Variants in PWWP2A observed in about 807,000 individuals in gnomAD.
PWWP2A encodes PWWP domain containing 2A.
In PWWP2A, 18 loss-of-function variants were observed where a neutral mutation model predicts 48.5. The ratio of observed to expected loss-of-function variants is 0.37; its 90% confidence interval spans 0.26 to 0.55. The LOEUF (loss-of-function observed/expected upper bound fraction) is 0.55, where lower values mean the gene tolerates loss of function less well. PWWP2A is among the 20% of genes least tolerant of loss of function. The pLI is 0.81. For synonymous variants in PWWP2A, 396 were observed against 387.7 expected, an observed-to-expected ratio of 1.02 and a Z score of -0.25; for missense variants, 867 against 976.4, an observed-to-expected ratio of 0.89 and a Z score of 1.49.
chr5:160,084,131 T>C (rs1363699848), intron 2 of PWWP2A, among the ~76,000 whole-genome samples: 1 of 152,248 alleles, frequency 6.6e-6, no homozygotes, highest in East Asian at 1.9e-4. Flanking sequence ...GCAGTGGTAG[T>C]AATGATGGCA....
chr5:160,051,657 A>G, the PWWP2A span, among the ~76,000 whole-genome samples: 1 of 152,308 alleles, frequency 6.6e-6, no homozygotes, highest in South Asian at 2.1e-4. Flanking sequence ...TTAGGAGTAA[A>G]GAGAAATCAG....
Position 160,093,612 on chromosome 5 carries a change from A to G in PWWP2A, c.1038T>C (p.Ser346=), listed in dbSNP as rs773239115. ...TTCTCCGTTTTTTATCTTCATATTT[A>G]GAAGAGTCAGTTGCACTACTACCTT... ...IRKGSSATDS[S]KYEDKKRRNE... Residue 346 remains serine (S), a synonymous_variant, in exon 2 of 2, where the codon TCT becomes TCC. Coordinates refer to ENST00000307063, the MANE Select transcript of PWWP2A (RefSeq NM_001130864.2). The surrounding 1 kb of genome is among the most constrained non-coding windows in gnomAD (Gnocchi z 5.8). 24 of 1,613,750 alleles carry G rather than the reference A, an allele frequency of 1.5e-5. No homozygotes were observed. Among genetic ancestry groups the G allele is most frequent in the Non-Finnish European group, 1.9e-5 (22 of 1,179,862 alleles).
At chr5:160,071,090 G>A (rs1348669813), downstream of PWWP2A, among the ~76,000 whole-genome samples, 4 of 152,216 alleles carry the variant, frequency 2.6e-5, no homozygotes, top group African/African-American at 9.7e-5. Flanking sequence ...TTAGGAGGCT[G>A]AGGTGGGAGG....
At chr5:160,098,518 A>G (rs1337343900) in intron 1 of PWWP2A, among the ~76,000 whole-genome samples, 2 of 152,220 alleles carry the variant, frequency 1.3e-5, no homozygotes, top group African/African-American at 4.8e-5. Context: ...AAGGATGGAG[A>G]CATTAATTTT....
chr5:160,099,045 T>C (rs111273687), intron 1 of PWWP2A, among the ~76,000 whole-genome samples: 1,952 of 152,318 alleles, frequency 0.013, 48 homozygotes, highest in African/African-American at 0.045. Flanking sequence ...AATTCCTAAG[T>C]CCTGCCCAAA....
chr5:160,074,172 C>T (rs1753811509), downstream of PWWP2A, among the ~76,000 whole-genome samples: 1 of 152,128 alleles, frequency 6.6e-6, no homozygotes, highest in South Asian at 2.1e-4. Flanking sequence ...CAGGCAGTGG[C>T]TCACACCTGT....
At chr5:160,069,212 G>C (rs901632487) in intron 2 of PWWP2A, among the ~76,000 whole-genome samples, 5 of 152,000 alleles carry the variant, frequency 3.3e-5, no homozygotes, top group Admixed American at 2.6e-4. Flanking sequence ...TTGAGCCCAG[G>C]AGGTCGAGGC....
At chr5:160,048,079 A>T in the PWWP2A span, among the ~76,000 whole-genome samples, 2 of 145,890 alleles carry the variant, frequency 1.4e-5, no homozygotes, top group African/African-American at 5.0e-5. Flanking sequence ...TTTAAAAATT[A>T]AGGATAGATT....
At chr5:160,097,785 G>A (rs908544279) in intron 1 of PWWP2A, among the ~76,000 whole-genome samples, 20 of 144,718 alleles carry the variant, frequency 1.4e-4, no homozygotes, top group Admixed American at 1.1e-3. Flanking sequence ...GCACAATCTC[G>A]GCTCACTGCA....
downstream of PWWP2A, chr5:160,090,796 T>C: frequency 1.0e-6 from 1 of 977,446 alleles, no homozygotes; most frequent in Non-Finnish European, 1.2e-6. Context: ...ATCCAAAAGT[T>C]AAGACACAAA....
the PWWP2A span, among the ~76,000 whole-genome samples, chr5:160,052,571 A>T: frequency 1.3e-5 from 2 of 148,896 alleles, no homozygotes; most frequent in Non-Finnish European, 3.0e-5. Context: ...AAAAAAAAAA[A>T]AAACTGTTTG....
At chr5:160,080,562 T>G (rs1754321768) in intron 3 of PWWP2A, 1 of 1,221,734 alleles carries the variant, frequency 8.2e-7, no homozygotes, top group South Asian at 2.9e-5. Flanking sequence ...TAATGAATTC[T>G]TTTAAGTCTA....
At chr5:160,064,070 A>G (rs1233039959) in intron 4 of PWWP2A, among the ~76,000 whole-genome samples, 1 of 151,148 alleles carries the variant, frequency 6.6e-6, no homozygotes, top group Non-Finnish European at 1.5e-5. Flanking sequence ...CCAGGTGCAA[A>G]CGATTGTCCT....
At chr5:160,071,526 G>C (rs1337629351), downstream of PWWP2A, among the ~76,000 whole-genome samples, 1 of 152,190 alleles carries the variant, frequency 6.6e-6, no homozygotes, top group African/African-American at 2.4e-5. Flanking sequence ...GATTAAGACA[G>C]TTGTGCAAGT....
Position 160,091,945 on chromosome 5 carries a change from G to C in PWWP2A, c.*437C>G. On this transcript the variant is annotated 3_prime_UTR_variant, in exon 2 of 2. Transcript: ENST00000307063. Reference sequence around the variant, plus strand: ...AAATATGCAATCTGTGTCACACAGTGACAGGCTGTATTTCATATATATATA... The same window carrying C: ...AAATATGCAATCTGTGTCACACAGTCACAGGCTGTATTTCATATATATATA... 1.0e-6 allele frequency: 1 copy of C among 978,272 alleles called. No individual in the cohort carries two copies. The highest frequency in any genetic ancestry group is 1.2e-6 in the Non-Finnish European group (1 of 824,840). The allele number at this position is 978,272 out of a possible 1,614,324, so 60.6% of individuals were successfully genotyped here.
chr5:160,116,630 T>A (rs1460542083), intron 1 of PWWP2A: 2 of 983,580 alleles, frequency 2.0e-6, no homozygotes, highest in Non-Finnish European at 2.4e-6. Context: ...GAAAATTTTT[T>A]AAAAATAAAG....
At chr5:160,107,117 G>A (rs540751655) in intron 1 of PWWP2A, among the ~76,000 whole-genome samples, 6 of 152,196 alleles carry the variant, frequency 3.9e-5, no homozygotes, top group Admixed American at 3.3e-4. Context: ...ATGAGCCACC[G>A]TGACCGGCCT....
chr5:160,049,578 G>A, the PWWP2A span: 20 of 1,610,736 alleles, frequency 1.2e-5, no homozygotes, highest in South Asian at 5.5e-5. Context: ...ATGAGAAGAC[G>A]GACAAGCTAG....
At chr5:160,066,149 CTG>C (rs1041694346) in intron 4 of PWWP2A, among the ~76,000 whole-genome samples, 71 of 152,124 alleles carry the variant, frequency 4.7e-4, no homozygotes, top group African/African-American at 1.4e-3. Context: ...TCAGAAGAAA[CTG>C]TTAAATCTGG....
Sources: allele counts gnomAD v4.1 joint callset (sites outside exome capture counted in the v4.1 genomes callset), GRCh38; gene constraint gnomAD v4.1.1; non-coding constraint Gnocchi (gnomAD v3.1); transcripts MANE v1.5; gene names NCBI Gene and HGNC (gene_info 2026-07-23, HGNC 2026-07-21).